KLKB1: variants seen among roughly 807,000 people sequenced by gnomAD.
KLKB1 encodes the protein plasma kallikrein.
KLKB1 carries 58 observed loss-of-function variants against 73.6 expected under a neutral mutation model. The ratio of observed to expected loss-of-function variants is 0.79; its 90% confidence interval spans 0.64 to 0.98. The LOEUF is 0.98. Among genes scored for constraint, KLKB1 ranks in the 50% least tolerant of loss-of-function variants. The probability of loss-of-function intolerance (pLI) is 0.00; values close to 1 mark genes in which losing one functional copy is unlikely to be tolerated. For synonymous variants in KLKB1, 280 were observed against 258.1 expected (o/e 1.08, Z -0.81); for missense variants, 737 against 763.8 (o/e 0.96, Z 0.41).
At chr4:186,212,330 A>G (rs973488977) in intron 2 of KLKB1, 2 of 152,206 alleles carry the variant, frequency 1.3e-5, no homozygotes. Flanking sequence ...ATATTTAGTA[A>G]CCCAGTAATA....
chr4:186,216,016 C>T (rs1277087698), intron 2 of KLKB1, among the ~76,000 whole-genome samples: 1 of 152,134 alleles, frequency 6.6e-6, no homozygotes. Context: ...TGGACGGAAC[C>T]TCAAGACGAC....
At chr4:186,254,329 A>G (rs531509110) in intron 11 of KLKB1, among the ~76,000 whole-genome samples, 1 of 152,366 alleles carries the variant, frequency 6.6e-6, no homozygotes, top group South Asian at 2.1e-4. Context: ...TGGGACAGCA[A>G]CATTCTTTTT....
At chr4:186,214,569 T>G (rs1736833601) in intron 2 of KLKB1, among the ~76,000 whole-genome samples, 1 of 152,222 alleles carries the variant, frequency 6.6e-6, no homozygotes, top group South Asian at 2.1e-4. Flanking sequence ...CTTTTCTAGA[T>G]AGTAGGAAAG....
At position 186,257,337 on chromosome 4, in the gene KLKB1, A is replaced by G. The variant is rs767567039; in HGVS notation, c.1697A>G (p.Tyr566Cys). ...ACCCAACGGATGGTCTGTGCTGGCT[A>G]TAAAGAAGGGGGAAAAGATGCTTGT... The part of the protein sequence containing the change: ...KITQRMVCAG[Y>C]KEGGKDACKG... Residue 566 changes from tyrosine to cysteine, a missense_variant, in exon 14 of 15, where the codon TAT becomes TGT. Tyr to Cys is a radical substitution (Grantham distance 194). Coordinates refer to ENST00000264690, the MANE Select transcript of KLKB1 (RefSeq NM_000892.5). 1 of 1,596,824 alleles carries G rather than the reference A, an allele frequency of 6.3e-7. No homozygotes were observed. The highest frequency in any genetic ancestry group is 1.7e-5 in the Admixed American group (1 of 58,906).
intron 6 of KLKB1, among the ~76,000 whole-genome samples, chr4:186,242,998 A>G (rs951132523): frequency 2.0e-5 from 3 of 149,684 alleles, no homozygotes; most frequent in African/African-American, 7.4e-5. Context: ...AGAAATGACC[A>G]CGGTGGCCTT....
At chr4:186,228,059 TTGTTTTC>T in intron 1 of KLKB1, 129 bp from the exon 2 acceptor site, 1 of 634,338 alleles carries the variant, frequency 1.6e-6, no homozygotes, top group East Asian at 2.8e-5. Context: ...AAAAAAACCC[TTGTTTTC>T]TATACCAGTA....
intron 2 of KLKB1, chr4:186,211,678 C>T (rs1736725411): frequency 1.3e-5 from 1 of 79,410 alleles, no homozygotes; most frequent in Non-Finnish European, 3.0e-5. Flanking sequence ...CACACACACA[C>T]ACACACACAC....
At chr4:186,235,263 A>G (rs973550188) in intron 4 of KLKB1, among the ~76,000 whole-genome samples, 1 of 152,202 alleles carries the variant, frequency 6.6e-6, no homozygotes, top group Non-Finnish European at 1.5e-5. Context: ...TTTAAAGAAA[A>G]AGTAATTTGT....
At chr4:186,241,708 A>G (rs1738062123) in intron 6 of KLKB1, among the ~76,000 whole-genome samples, 2 of 152,196 alleles carry the variant, frequency 1.3e-5, no homozygotes, top group African/African-American at 4.8e-5. Flanking sequence ...TTTTATTTTT[A>G]TCACCTCTGG....
chr4:186,222,332 G>A (rs1010130556), upstream of KLKB1, among the ~76,000 whole-genome samples: 1 of 152,190 alleles, frequency 6.6e-6, no homozygotes, highest in East Asian at 1.9e-4. Context: ...TAGTTCCTTT[G>A]TTGCTTCTTT....
At chr4:186,245,471 T>C (rs2126656709) in intron 6 of KLKB1, among the ~76,000 whole-genome samples, 1 of 152,196 alleles carries the variant, frequency 6.6e-6, no homozygotes, top group South Asian at 2.1e-4. Flanking sequence ...AGTTAGACAG[T>C]CCGATTTCTA....
chr4:186,254,759 C>T lies in KLKB1; in HGVS notation c.1485C>T (p.Tyr495=), dbSNP rs780128277. The T allele has an allele frequency of 1.2e-5, 19 of 1,611,388 alleles. No individual in the cohort carries two copies. Among genetic ancestry groups the T allele is most frequent in the Non-Finnish European group, 1.6e-5 (19 of 1,177,656 alleles). The part of the protein sequence containing the change: ...ALIKLQAPLN[Y]TEFQKPICLP... ...TAAAACTCCAGGCTCCTTTGAATTA[C>T]ACTGGTATGTAGCATATGTAAGAAG... is the stretch of plus-strand genomic sequence containing the variant. Residue 495 remains tyrosine, a synonymous_variant, in exon 12 of 15, where the codon TAC becomes TAT. Coordinates refer to ENST00000264690, the MANE Select transcript of KLKB1 (RefSeq NM_000892.5).
In KLKB1 at chr4:186,257,247, AAAAGGT is replaced by A. The variant is rs748569869; in HGVS notation, c.1611_1616del (p.Lys537_Val538del). ...ACAGGTGAAATCCAAAATATTCTAC[AAAAGGT>A]AAATATTCCTTTGGTAACAAATGAA... On this transcript the variant is annotated inframe_deletion, in exon 14 of 15. Transcript: ENST00000264690. 6.3e-7 allele frequency: 1 copy of A among 1,592,412 alleles called. No individual in the cohort carries two copies. Among genetic ancestry groups the A allele is most frequent in the South Asian group, 1.1e-5 (1 of 88,100 alleles).
chr4:186,255,047 A>G (rs1738921417), intron 12 of KLKB1, among the ~76,000 whole-genome samples: 1 of 152,246 alleles, frequency 6.6e-6, no homozygotes, highest in Non-Finnish European at 1.5e-5. Flanking sequence ...TCTGAGAGGC[A>G]CTGGGCTTGC....
chr4:186,252,279 A>G, intron 11 of KLKB1, 94 bp downstream of exon 11: 1 of 1,341,572 alleles, frequency 7.5e-7, no homozygotes, highest in Non-Finnish European at 1.1e-6. Flanking sequence ...TGACTTTATG[A>G]ATAGAGACGT....
chr4:186,253,832 ATATT>A (rs916937801), intron 11 of KLKB1, among the ~76,000 whole-genome samples: 8 of 151,646 alleles, frequency 5.3e-5, no homozygotes, highest in Non-Finnish European at 1.0e-4. Context: ...TTTTATTTAT[ATATT>A]TATTTAATTT....
intron 5 of KLKB1, among the ~76,000 whole-genome samples, chr4:186,237,199 A>C (rs1249921020): frequency 6.6e-6 from 1 of 152,054 alleles, no homozygotes; most frequent in Non-Finnish European, 1.5e-5. Flanking sequence ...CCCGGGTTCA[A>C]GCGATTCTCC....
Position 186,251,666 on chromosome 4 carries a change from T to C in KLKB1, c.1031+17T>C, listed in dbSNP as rs367812759. The C allele has an allele frequency of 1.2e-6, 2 of 1,613,022 alleles. No individual in the cohort carries two copies. Among genetic ancestry groups the C allele is most frequent in the African/African-American group, 2.7e-5 (2 of 74,928 alleles). On this transcript the variant is annotated intron_variant, in intron 9 of 14. Transcript: ENST00000264690. ...GGAAGAGAAGTAAAGGAAATTTTATTTTTCAAAGACAGTTGACATGACCAT... is the reference window on the plus strand; with the variant it reads ...GGAAGAGAAGTAAAGGAAATTTTATCTTTCAAAGACAGTTGACATGACCAT...
In KLKB1 at chr4:186,252,080, C is replaced by T. The variant is rs757208935; in HGVS notation, c.1208C>T (p.Pro403Leu). ...GGTNSSWGEW[P>L]WQVSLQVKLT... ...ACAAACTCTTCTTGGGGAGAGTGGC[C>T]CTGGCAGGTGAGCCTGCAGGTGAAG... The change falls in exon 11 of 15, where the codon CCC (proline) becomes CTC (leucine). Residue 403 changes from proline to leucine, a missense_variant. Pro to Leu is a moderately conservative substitution (Grantham distance 98, BLOSUM62 -3). Transcript: ENST00000264690. 9 of 1,614,006 alleles carry T rather than the reference C, an allele frequency of 5.6e-6. No individual in the cohort carries two copies. Among genetic ancestry groups the T allele is most frequent in the Non-Finnish European group, 7.6e-6 (9 of 1,180,008 alleles).
Sources: allele counts gnomAD v4.1 joint callset (sites outside exome capture counted in the v4.1 genomes callset), GRCh38; gene constraint gnomAD v4.1.1; transcripts MANE v1.5; gene names NCBI Gene and HGNC (gene_info 2026-07-23, HGNC 2026-07-21).